Variants in TSC22D2 observed in about 807,000 individuals in gnomAD.
The protein encoded by TSC22D2 is TSC22 domain family member 2, also known as TSC22 domain family protein 2.
In TSC22D2, 5 loss-of-function variants were observed where a neutral mutation model predicts 50.1. The observed-to-expected ratio is 0.10, with a 90% CI of 0.05 to 0.21. The LOEUF (loss-of-function observed/expected upper bound fraction) is 0.21. TSC22D2 is among the 10% of genes least tolerant of loss of function. The pLI is 1.00. For missense variants in TSC22D2, 1,003 were observed against 1,015.5 expected (o/e 0.99, Z 0.17); for synonymous variants, 501 against 450.1 (o/e 1.11, Z -1.43).
intron 1 of TSC22D2, among the ~76,000 whole-genome samples, chr3:150,431,467 G>GTA (rs1720379907): frequency 6.6e-6 from 1 of 152,040 alleles, no homozygotes; most frequent in Non-Finnish European, 1.5e-5. Context: ...CGAAGAGCCA[G>GTA]TATAGGTTCA....
At position 150,410,610 on chromosome 3, in the gene TSC22D2, C is replaced by T. The variant is rs1251260274; in HGVS notation, c.1260C>T (p.Ser420=). 1.4e-5 allele frequency: 22 copies of T among 1,557,886 alleles called. No individual in the cohort carries two copies. The highest frequency in any genetic ancestry group is 1.9e-5 in the Non-Finnish European group (22 of 1,153,086). The change falls in exon 1 of 3, where the codon TCC becomes TCT. Residue 420 remains serine (S), a synonymous_variant. Transcript: ENST00000688009. Reference sequence around the variant, plus strand: ...CCGTGGGCACCGGCCAGAATGCTTCCTCGGTGGGCGCGCAGCTCATGGGCG... The same window carrying T: ...CCGTGGGCACCGGCCAGAATGCTTCTTCGGTGGGCGCGCAGCTCATGGGCG... ...TLPVGTGQNA[S]SVGAQLMGAS...
At chr3:150,443,542 A>G (rs61485586) in intron 1 of TSC22D2, among the ~76,000 whole-genome samples, 38 of 152,206 alleles carry the variant, frequency 2.5e-4, no homozygotes, top group Non-Finnish European at 7.3e-5. Flanking sequence ...GGAAACCTTT[A>G]TATGTGACCT....
In TSC22D2 at chr3:150,459,572, G is replaced by GTTTTTTTTTTTTTGTTT. The variant is rs1721312726; in HGVS notation, c.*951_*952insTTTTTTTTTTTTTTTGT. ...TAATGGAGTTTGGTTTTTTTTTGTT[G>GTTTTTTTTTTTTTGTTT]TTTTTTTTTTTTTGTCTTTTTTTTT... On this transcript the variant is annotated 3_prime_UTR_variant, in exon 3 of 3. Coordinates refer to ENST00000688009, the MANE Select transcript of TSC22D2 (RefSeq NM_001303264.2). 5.6e-4 allele frequency: 65 copies of GTTTTTTTTTTTTTGTTT among 115,350 alleles called. No homozygotes were observed. Among genetic ancestry groups the GTTTTTTTTTTTTTGTTT allele is most frequent in the East Asian group, 1.7e-3 (6 of 3,632 alleles). 7.1% of individuals were successfully genotyped at this position (115,350 alleles called of 1,614,324 possible). A position where few individuals can be genotyped will look rare whatever the true frequency, so the allele number is the denominator to read the frequency against.
At chr3:150,430,784 A>C (rs1287444240) in intron 1 of TSC22D2, among the ~76,000 whole-genome samples, 1 of 152,196 alleles carries the variant, frequency 6.6e-6, no homozygotes, top group African/African-American at 2.4e-5. Flanking sequence ...ACCTTAGGCA[A>C]TACCACCTGC....
chr3:150,456,350 A>G (rs2108106388), intron 1 of TSC22D2, among the ~76,000 whole-genome samples: 1 of 151,712 alleles, frequency 6.6e-6, no homozygotes, highest in East Asian at 1.9e-4. Flanking sequence ...AAGCCTGGCT[A>G]ATTTTTTTTG....
chr3:150,419,089 A>G (rs1279281608), intron 1 of TSC22D2, among the ~76,000 whole-genome samples: 1 of 152,140 alleles, frequency 6.6e-6, no homozygotes, highest in Non-Finnish European at 1.5e-5. Context: ...CTAACCTTAT[A>G]TTAAACACAA....
intron 1 of TSC22D2, chr3:150,438,088 T>A (rs1576551602): frequency 4.6e-6 from 1 of 216,612 alleles, no homozygotes. Context: ...TTTCATTTTT[T>A]AAAGTACAAA....
chr3:150,451,526 C>T (rs973996073), intron 1 of TSC22D2, among the ~76,000 whole-genome samples: 2 of 152,164 alleles, frequency 1.3e-5, no homozygotes, highest in African/African-American at 4.8e-5. Context: ...AGTTAAAGCA[C>T]TCTTAATAAT....
At chr3:150,454,783 A>G (rs1335668240) in intron 1 of TSC22D2, among the ~76,000 whole-genome samples, 2 of 152,206 alleles carry the variant, frequency 1.3e-5, no homozygotes, top group African/African-American at 4.8e-5. Flanking sequence ...TTGAAATATT[A>G]ACACCATTTA....
At position 150,463,615 on chromosome 3, in the gene TSC22D2, A is replaced by G. The variant is rs557483648; in HGVS notation, c.*4979A>G. The stretch of plus-strand genomic sequence containing the variant: ...GCAAGGATTACTTTATACAAGTGCT[A>G]CTGTAACTATATCTTTTGTGGAGTA... On this transcript the variant is annotated 3_prime_UTR_variant, in exon 3 of 3. Transcript: ENST00000688009. 8.7e-4 allele frequency: 132 copies of G among 152,290 alleles called. No individual in the cohort carries two copies. Among genetic ancestry groups the G allele is most frequent in the African/African-American group, 3.0e-3 (123 of 41,562 alleles). 9.4% of individuals were successfully genotyped at this position (152,290 alleles called of 1,614,324 possible).
Position 150,463,074 on chromosome 3 carries a change from T to C in TSC22D2, c.*4438T>C, listed in dbSNP as rs528736360. The C allele has an allele frequency of 3.9e-4, 59 of 152,370 alleles. No homozygotes were observed. The highest frequency in any genetic ancestry group is 1.2e-3 in the African/African-American group (51 of 41,588). The allele number at this position is 152,370 out of a possible 1,614,324, so 9.4% of individuals were successfully genotyped here. A position where few individuals can be genotyped will look rare whatever the true frequency, so the allele number is the denominator to read the frequency against. ...TGTTTCCTTAAAGGGATTTCAAGAA[T>C]TTAACAAAAGGGTTGGGGAATGGAA... On this transcript the variant is annotated 3_prime_UTR_variant, in exon 3 of 3. Coordinates refer to ENST00000688009, the MANE Select transcript of TSC22D2 (RefSeq NM_001303264.2).
chr3:150,419,487 CT>C (rs1283818243), intron 1 of TSC22D2, among the ~76,000 whole-genome samples: 3 of 151,914 alleles, frequency 2.0e-5, no homozygotes, highest in Non-Finnish European at 4.4e-5. Context: ...TTGTATGTCC[CT>C]GGTTTCTATT....
chr3:150,439,513 TA>T (rs1720648869), intron 1 of TSC22D2, among the ~76,000 whole-genome samples: 1 of 152,192 alleles, frequency 6.6e-6, no homozygotes, highest in South Asian at 2.1e-4. Flanking sequence ...ATAATCTACA[TA>T]ACTTTGATAA....
intron 1 of TSC22D2, among the ~76,000 whole-genome samples, chr3:150,449,551 T>A (rs1266392391): frequency 1.3e-5 from 2 of 152,170 alleles, no homozygotes; most frequent in Non-Finnish European, 2.9e-5. Context: ...ATTGTTCCCA[T>A]CTCAGTACTA....
intron 1 of TSC22D2, among the ~76,000 whole-genome samples, chr3:150,432,275 A>G (rs1720403953): frequency 6.6e-6 from 1 of 152,120 alleles, no homozygotes; most frequent in African/African-American, 2.4e-5. Context: ...AGTAAATTTA[A>G]TATGTTATTT....
intron 1 of TSC22D2, among the ~76,000 whole-genome samples, chr3:150,416,916 G>T (rs1414279407): frequency 6.6e-6 from 1 of 152,072 alleles, no homozygotes; most frequent in African/African-American, 2.4e-5. Flanking sequence ...TTAGTATTTA[G>T]TATTTAGTTT....
At position 150,458,728 on chromosome 3, in the gene TSC22D2, C is replaced by T; in HGVS notation, c.*92C>T. The T allele has an allele frequency of 4.0e-6, 6 of 1,498,832 alleles. No individual in the cohort carries two copies. The South Asian group carries it at 7.8e-5, about 19-fold the overall frequency. The allele number at this position is 1,498,832 out of a possible 1,614,324, so 92.8% of individuals were successfully genotyped here. A position where few individuals can be genotyped will look rare whatever the true frequency, so the allele number is the denominator to read the frequency against. ...TTCCACTTTATACGAAAGCAAGTAGCCATGCTTTGGTTGTGTGTTTGGCCT... is the reference window on the plus strand; with the variant it reads ...TTCCACTTTATACGAAAGCAAGTAGTCATGCTTTGGTTGTGTGTTTGGCCT... On this transcript the variant is annotated 3_prime_UTR_variant, in exon 3 of 3. Transcript: ENST00000688009.
chr3:150,408,979 A>C lies in TSC22D2; in HGVS notation c.-372A>C. The C allele has an allele frequency of 5.3e-6, 1 of 189,678 alleles. No individual in the cohort carries two copies. 11.7% of individuals were successfully genotyped at this position (189,678 alleles called of 1,614,324 possible). ...GGCCTGCTGACCGCGCCGAGCGCCG[A>C]GCTGGACTGACCACGGCTGCCCGGA... On this transcript the variant is annotated 5_prime_UTR_variant, in exon 1 of 3. Transcript: ENST00000688009.
chr3:150,436,346 A>AGGCCCTTTAACAAAGGGTCAAGCAGTC lies in TSC22D2; in HGVS notation c.1959-20715_1959-20689dup, dbSNP rs535072473. ...CCGTAACAAGGCTTTTTTTGTTGGC[A>AGGCCCTTTAACAAAGGGTCAAGCAGTC]GGCCCTTTAACAAAGGGTCAAGCAG... On this transcript the variant is annotated intron_variant, in intron 1 of 2. Transcript: ENST00000688009. 9.8e-4 allele frequency among the ~76,000 whole-genome samples: 149 copies of AGGCCCTTTAACAAAGGGTCAAGCAGTC among 152,106 alleles called. 1 individual carries two copies. In the South Asian group the frequency reaches 0.017, roughly 18 times the overall value.
Sources: gnomAD v4.1 joint callset for allele counts (sites outside exome capture counted in the v4.1 genomes callset) on GRCh38, gnomAD v4.1.1 for gene constraint, MANE v1.5 for transcripts, NCBI Gene and HGNC (gene_info 2026-07-23, HGNC 2026-07-21) for gene names.